ADAM2: variants seen among roughly 807,000 people sequenced by gnomAD.
ADAM2 encodes the protein disintegrin and metalloproteinase domain-containing protein 2.
Under a neutral mutation model 99.3 loss-of-function variants are expected in ADAM2, and 101 were observed. The ratio of observed to expected loss-of-function variants is 1.02; its 90% CI spans 0.87 to 1.20. The LOEUF (loss-of-function observed/expected upper bound fraction) is 1.20. Among genes scored for constraint, ADAM2 ranks in the 50% most tolerant of loss-of-function variants. ADAM2 has a pLI of 0.00. For missense variants in ADAM2, 948 were observed against 878.7 expected (o/e 1.08, Z -1.00); for synonymous variants, 323 against 287.6 (o/e 1.12, Z -1.25).
chr8:39,794,608 T>G (rs1465607010), intron 7 of ADAM2, among the ~76,000 whole-genome samples: 8 of 152,104 alleles, frequency 5.3e-5, no homozygotes, highest in Admixed American at 1.3e-4. Context: ...TATCTATAGA[T>G]TCCAGGCATT....
At chr8:39,832,806 C>T (rs966411829) in intron 3 of ADAM2, among the ~76,000 whole-genome samples, 3 of 145,416 alleles carry the variant, frequency 2.1e-5, no homozygotes, top group South Asian at 2.1e-4. Context: ...ACCTTTTCAC[C>T]GCTTGTGTGC....
chr8:39,799,888 T>C (rs925670854), intron 7 of ADAM2, among the ~76,000 whole-genome samples: 5 of 152,220 alleles, frequency 3.3e-5, no homozygotes, highest in African/African-American at 9.6e-5. Context: ...TTGGTAAATA[T>C]TCCCCATCCC....
At chr8:39,815,714 G>C (rs918797538) in intron 6 of ADAM2, among the ~76,000 whole-genome samples, 1 of 152,038 alleles carries the variant, frequency 6.6e-6, no homozygotes, top group East Asian at 1.9e-4. Context: ...AAATACAGCA[G>C]AAAGAATATT....
At chr8:39,781,300 T>A (rs944951804) in intron 10 of ADAM2, among the ~76,000 whole-genome samples, 2 of 152,204 alleles carry the variant, frequency 1.3e-5, no homozygotes, top group African/African-American at 4.8e-5. Flanking sequence ...CGCATGTGTG[T>A]GTGTGTCACA....
intron 11 of ADAM2, among the ~76,000 whole-genome samples, chr8:39,773,340 A>G (rs1239987253): frequency 6.6e-6 from 1 of 151,860 alleles, no homozygotes; most frequent in African/African-American, 2.4e-5. Flanking sequence ...GGGTTTACAC[A>G]AAAAGAAGGG....
intron 14 of ADAM2, 142 bp from the exon 15 acceptor site, chr8:39,761,423 G>C (rs902265688): frequency 3.2e-5 from 15 of 473,532 alleles, no homozygotes; most frequent in African/African-American, 3.0e-4. Context: ...ATAAAAACTA[G>C]ATTTAAGATC....
At chr8:39,837,981 GA>G in intron 1 of ADAM2, 149 bp downstream of exon 1, 1 of 800,914 alleles carries the variant, frequency 1.2e-6, no homozygotes, top group Non-Finnish European at 2.0e-6. Context: ...TTTGGGTGGG[GA>G]AGGCGGCAAT....
chr8:39,803,495 G>A (rs1448451278), intron 7 of ADAM2, among the ~76,000 whole-genome samples: 1 of 152,176 alleles, frequency 6.6e-6, no homozygotes, highest in Admixed American at 6.5e-5. Flanking sequence ...GTGATCTCAT[G>A]TTAAACAATC....
chr8:39,786,797 A>G (rs1371582357), intron 10 of ADAM2, among the ~76,000 whole-genome samples, 177 bp downstream of exon 10: 1 of 152,062 alleles, frequency 6.6e-6, no homozygotes, highest in East Asian at 1.9e-4. Context: ...AAATTGAAAA[A>G]TTTTTATACA....
At chr8:39,837,070 T>A in intron 2 of ADAM2, 66 bp downstream of exon 2, 1 of 1,329,194 alleles carries the variant, frequency 7.5e-7, no homozygotes, top group Non-Finnish European at 1.1e-6. Flanking sequence ...AAATGGCAGA[T>A]TAACTTCTTA....
At chr8:39,782,359 A>G (rs1247019940) in intron 10 of ADAM2, among the ~76,000 whole-genome samples, 2 of 152,216 alleles carry the variant, frequency 1.3e-5, no homozygotes, top group East Asian at 3.9e-4. Context: ...TACTCTTTTG[A>G]TATATTGCAA....
At chr8:39,764,599 C>T (rs2129583965) in intron 14 of ADAM2, among the ~76,000 whole-genome samples, 1 of 152,314 alleles carries the variant, frequency 6.6e-6, no homozygotes, top group South Asian at 2.1e-4. Context: ...CTTTTGTCTC[C>T]TTGCTGGTGG....
chr8:39,827,161 A>T (rs11780484), intron 3 of ADAM2, among the ~76,000 whole-genome samples: 16,187 of 152,188 alleles, frequency 0.11, 962 homozygotes, highest in African/African-American at 0.15. Context: ...ATCAGAAAAA[A>T]GTATATCAAA....
intron 19 of ADAM2, among the ~76,000 whole-genome samples, chr8:39,745,303 T>A (rs1397587103): frequency 2.0e-5 from 3 of 152,180 alleles, no homozygotes; most frequent in Non-Finnish European, 2.9e-5. Flanking sequence ...GAAAACCACT[T>A]TAGTATATTT....
intron 9 of ADAM2, 45 bp downstream of exon 9, chr8:39,788,040 A>G: frequency 7.8e-7 from 1 of 1,285,056 alleles, no homozygotes; most frequent in Non-Finnish European, 1.0e-6. Flanking sequence ...CAAATTGCAT[A>G]AATTTTCTTC....
At position 39,765,826 on chromosome 8, in the gene ADAM2, A is replaced by G. The variant is rs372572938; in HGVS notation, c.1507+1022T>C. On this transcript the variant is annotated intron_variant, in intron 14 of 20. Transcript: ENST00000265708. The stretch of plus-strand genomic sequence containing the variant: ...TTTGGTTAGTGATAAGTGCTTTGCA[A>G]TCCCTTTTTACACAGAAATTAGAGT... Among the ~76,000 whole-genome samples the G allele has an allele frequency of 4.1e-4, 63 of 152,290 alleles. No individual in the cohort carries two copies. In the East Asian group the frequency reaches 9.1e-3, roughly 22 times the overall value.
intron 15 of ADAM2, among the ~76,000 whole-genome samples, chr8:39,760,718 C>T (rs1021121644): frequency 6.9e-6 from 1 of 144,838 alleles, no homozygotes; most frequent in Non-Finnish European, 1.5e-5. Flanking sequence ...GAGACTCCTT[C>T]AAAAAAATAA....
chr8:39,779,963 G>A (rs1803150577), intron 10 of ADAM2, among the ~76,000 whole-genome samples: 1 of 151,996 alleles, frequency 6.6e-6, no homozygotes, highest in Non-Finnish European at 1.5e-5. Context: ...AAACTGGTAA[G>A]ATGTTCACGC....
chr8:39,770,229 G>A (rs1392146667), intron 11 of ADAM2, among the ~76,000 whole-genome samples: 1 of 152,164 alleles, frequency 6.6e-6, no homozygotes, highest in African/African-American at 2.4e-5. Context: ...TTACAGGCGT[G>A]AGCCAACGCG....
Sources: gnomAD v4.1 joint callset for allele counts (sites outside exome capture counted in the v4.1 genomes callset) on GRCh38, gnomAD v4.1.1 for gene constraint, MANE v1.5 for transcripts, NCBI Gene and HGNC (gene_info 2026-07-23, HGNC 2026-07-21) for gene names.